The following ACTN4 variants were observed in gnomAD, a reference collection of about 807,000 sequenced individuals.
ACTN4 encodes the protein actinin alpha 4.
In ACTN4, 18 loss-of-function variants were observed where a neutral mutation model predicts 114.2. That is an observed-to-expected ratio of 0.16 (90% CI 0.11 to 0.23). ACTN4 has a LOEUF of 0.23. Ranked by LOEUF, ACTN4 falls within the 10% of genes least tolerant of loss-of-function variation. The pLI is 1.00. For synonymous variants in ACTN4, 515 were observed against 506.3 expected (o/e 1.02, Z -0.23); for missense variants, 722 against 1,262.9 (o/e 0.57, Z 6.49).
chr19:38,709,564 C>T, intron 7 of ACTN4, 88 bp downstream of exon 7: 2 of 1,186,794 alleles, frequency 1.7e-6, no homozygotes, highest in South Asian at 2.5e-5. Context: ...GCTGTGGGCA[C>T]ATCAGAGCTT....
At chr19:38,712,978 C>T (rs983495491) in intron 8 of ACTN4, among the ~76,000 whole-genome samples, 3 of 151,962 alleles carry the variant, frequency 2.0e-5, no homozygotes, top group African/African-American at 4.8e-5. Flanking sequence ...GTAGTGGAGG[C>T]CCGGCTGCAG....
chr19:38,728,675 T>C (rs551041325), intron 19 of ACTN4, among the ~76,000 whole-genome samples: 3 of 152,216 alleles, frequency 2.0e-5, no homozygotes, highest in Admixed American at 1.3e-4. Flanking sequence ...TTCTTCCCCA[T>C]CCTCCAGAGC....
At chr19:38,722,062 A>G (rs1027480785) in intron 12 of ACTN4, among the ~76,000 whole-genome samples, 12 of 152,334 alleles carry the variant, frequency 7.9e-5, no homozygotes, top group Admixed American at 3.9e-4. Context: ...TAGGTCCCTG[A>G]GGGAACCAGG....
intron 1 of ACTN4, among the ~76,000 whole-genome samples, chr19:38,672,869 G>A (rs555390054): frequency 2.4e-4 from 36 of 152,132 alleles, no homozygotes; most frequent in African/African-American, 8.4e-4. Flanking sequence ...CACCATGCCC[G>A]GCCCCTGTAA....
intron 1 of ACTN4, among the ~76,000 whole-genome samples, chr19:38,673,433 T>C (rs1325735748): frequency 1.1e-5 from 1 of 92,968 alleles, no homozygotes; most frequent in Non-Finnish European, 2.5e-5. Context: ...AAATTGTGGT[T>C]TTATTTTTTA....
chr19:38,684,242 C>T (rs1404132574), intron 1 of ACTN4, among the ~76,000 whole-genome samples: 1 of 152,178 alleles, frequency 6.6e-6, no homozygotes, highest in African/African-American at 2.4e-5. Flanking sequence ...CCTTATGCCC[C>T]ACCCAGTCAT....
At position 38,647,658 on chromosome 19, in the gene ACTN4, G is replaced by A. The variant is rs1212484259; in HGVS notation, c.-88G>A. On this transcript the variant is annotated 5_prime_UTR_variant, in exon 1 of 21. Coordinates refer to ENST00000252699, the MANE Select transcript of ACTN4 (RefSeq NM_004924.6). ...GGGCGGAGGGCGGGCTGAAGCAGCT[G>A]AAGCGGCGGTAGCGGCGGCGGCTCG... The A allele has an allele frequency of 6.8e-6, 10 of 1,467,728 alleles. No homozygotes were observed. Among genetic ancestry groups the A allele is most frequent in the East Asian group, 2.9e-5 (1 of 34,260 alleles). 90.9% of individuals were successfully genotyped at this position (1,467,728 alleles called of 1,614,324 possible).
At chr19:38,693,259 G>T (rs1170185508) in intron 1 of ACTN4, among the ~76,000 whole-genome samples, 1 of 152,186 alleles carries the variant, frequency 6.6e-6, no homozygotes, top group African/African-American at 2.4e-5. Context: ...ACAGTGCAGA[G>T]CCGGCATGCT....
At chr19:38,725,177 C>CTACA in intron 16 of ACTN4, among the ~76,000 whole-genome samples, 1 of 152,374 alleles carries the variant, frequency 6.6e-6, no homozygotes, top group South Asian at 2.1e-4. Flanking sequence ...TGAGCACTCA[C>CTACA]TACATACCAG....
At chr19:38,722,582 C>G (rs906420867) in intron 12 of ACTN4, among the ~76,000 whole-genome samples, 3 of 152,200 alleles carry the variant, frequency 2.0e-5, no homozygotes, top group African/African-American at 7.2e-5. Flanking sequence ...TCCCCATTGG[C>G]TCAGCCAGAG....
At chr19:38,650,522 A>G (rs538919960) in intron 1 of ACTN4, among the ~76,000 whole-genome samples, 66 of 152,352 alleles carry the variant, frequency 4.3e-4, no homozygotes, top group Middle Eastern at 3.4e-3. Context: ...AGCCAGAGCC[A>G]GATTCTAGTA....
intron 1 of ACTN4, 55 bp downstream of exon 1, chr19:38,647,962 G>T: frequency 7.1e-7 from 1 of 1,407,066 alleles, no homozygotes; most frequent in African/African-American, 1.5e-5. Context: ...GGGGCCCGGG[G>T]AGGGGTGGGA....
chr19:38,701,155 C>A (rs781033033), intron 3 of ACTN4, 34 bp downstream of exon 3: 19 of 1,612,968 alleles, frequency 1.2e-5, no homozygotes, highest in Non-Finnish European at 1.4e-5. Flanking sequence ...GGGTCCTGCT[C>A]GGTTTCTGAC....
chr19:38,668,309 C>T (rs1967025349), intron 1 of ACTN4, among the ~76,000 whole-genome samples: 1 of 152,108 alleles, frequency 6.6e-6, no homozygotes, highest in African/African-American at 2.4e-5. Context: ...CTCTTCAATC[C>T]ACCTGACATT....
chr19:38,724,006 A>C lies in ACTN4; in HGVS notation c.1621A>C (p.Asn541His). 2 of 1,613,724 alleles carry C rather than the reference A, an allele frequency of 1.2e-6. No homozygotes were observed. The highest frequency in any genetic ancestry group is 1.7e-6 in the Non-Finnish European group (2 of 1,179,966). The change falls in exon 14 of 21, where the codon AAC becomes CAC. Residue 541 changes from asparagine to histidine, a missense_variant. Asn to His is a moderately conservative substitution (Grantham distance 68). This residue lies in a region of ACTN4 where 523 missense variants were observed against 875.9 expected (regional missense o/e 0.60). Coordinates refer to ENST00000252699, the MANE Select transcript of ACTN4 (RefSeq NM_004924.6). The surrounding 1 kb of genome is among the most constrained non-coding windows in gnomAD (Gnocchi z 7.0). The part of the protein sequence containing the change: ...LEYAKRAAPF[N>H]NWMESAMEDL... ...ATACGCCAAGCGCGCGGCCCCCTTC[A>C]ACAACTGGATGGAGAGCGCCATGGA... is the stretch of plus-strand genomic sequence containing the variant.
chr19:38,665,373 T>C (rs1032140855), intron 1 of ACTN4, among the ~76,000 whole-genome samples: 1 of 152,220 alleles, frequency 6.6e-6, no homozygotes, highest in African/African-American at 2.4e-5. Flanking sequence ...TTAGACGTGA[T>C]AGTGCGCAGG....
Position 38,724,087 on chromosome 19 carries a change from C to G in ACTN4, c.1692+10C>G, listed in dbSNP as rs199619802. The G allele has an allele frequency of 3.9e-3, 6,344 of 1,613,630 alleles. 21 individuals carry two copies. Among genetic ancestry groups the G allele is most frequent in the Non-Finnish European group, 5.1e-3 (5,980 of 1,179,992 alleles). ...CATCGAGGAGATTGAGGTTCGCACCCCCCGGCCCCCCATCTTCCCAAGAGC... is the reference window on the plus strand; with the variant it reads ...CATCGAGGAGATTGAGGTTCGCACCGCCCGGCCCCCCATCTTCCCAAGAGC... On this transcript the variant is annotated intron_variant, in intron 14 of 20. Transcript: ENST00000252699. This position sits in a 1 kb window ranked among gnomAD's most constrained non-coding sequence, Gnocchi z 7.0.
chr19:38,726,307 A>T (rs1210816673), intron 17 of ACTN4, among the ~76,000 whole-genome samples: 1 of 150,776 alleles, frequency 6.6e-6, no homozygotes, highest in Non-Finnish European at 1.5e-5. Flanking sequence ...AAAAAAAAAG[A>T]TTGAAAAGAC....
At chr19:38,700,898 G>A (rs1459751593) in intron 2 of ACTN4, 104 bp from the exon 3 acceptor site, 12 of 1,532,108 alleles carry the variant, frequency 7.8e-6, no homozygotes, top group Admixed American at 5.6e-5. Flanking sequence ...AGAGGAACCT[G>A]CTTTTGGAGA....
Sources: allele counts gnomAD v4.1 joint callset (sites outside exome capture counted in the v4.1 genomes callset), GRCh38; gene constraint gnomAD v4.1.1; regional missense constraint gnomAD v4.1.1; non-coding constraint Gnocchi (gnomAD v3.1); transcripts MANE v1.5; gene names NCBI Gene and HGNC (gene_info 2026-07-23, HGNC 2026-07-21).